Variants in SLC71A1 observed in about 807,000 individuals in gnomAD.
SLC71A1 encodes the protein hippocampus abundant gene transcript 1.
chr1:100,039,470 G>A, the SLC71A1 span, among the ~76,000 whole-genome samples: 4 of 152,140 alleles, frequency 2.6e-5, no homozygotes, highest in African/African-American at 9.7e-5. Flanking sequence ...TGAGACATAT[G>A]TAATGACTTT....
chr1:100,049,016 C>G, the SLC71A1 span, among the ~76,000 whole-genome samples: 1 of 152,132 alleles, frequency 6.6e-6, no homozygotes, highest in Non-Finnish European at 1.5e-5. Flanking sequence ...ATCCTTAATC[C>G]GTTCCCTCCC....
chr1:100,045,476 A>G, the SLC71A1 span, among the ~76,000 whole-genome samples: 1 of 152,118 alleles, frequency 6.6e-6, no homozygotes, highest in Admixed American at 6.5e-5. Flanking sequence ...TCCAATTTGC[A>G]TGCTCGTTAT....
At chr1:100,059,935 C>T in the SLC71A1 span, 2 of 1,612,820 alleles carry the variant, frequency 1.2e-6, no homozygotes, top group Non-Finnish European at 1.7e-6. Flanking sequence ...TGTTTGGGGC[C>T]GAAAATCCTT....
At chr1:100,082,107 G>C in the SLC71A1 span, 1 of 1,613,964 alleles carries the variant, frequency 6.2e-7, no homozygotes, top group African/African-American at 1.3e-5. Context: ...TAAGCTTAAG[G>C]TCCAGCAGTT....
chr1:100,059,903 C>T, the SLC71A1 span: 12 of 1,610,890 alleles, frequency 7.4e-6, no homozygotes, highest in African/African-American at 1.3e-5. Context: ...CTTAGTGCCC[C>T]GCTTATTGGT....
At chr1:100,077,778 G>A in the SLC71A1 span, among the ~76,000 whole-genome samples, 18 of 152,206 alleles carry the variant, frequency 1.2e-4, no homozygotes, top group South Asian at 2.1e-4. Flanking sequence ...GAGTAGTGAC[G>A]CTTGTTGTCA....
chr1:100,082,409 AAACCTTTTGTTTATTAGCACCAATTT>A, the SLC71A1 span: 7 of 571,760 alleles, frequency 1.2e-5, no homozygotes, highest in Non-Finnish European at 2.2e-5. Flanking sequence ...TTCTTTTGAA[AAACCTTTTGTTTATTAGCACCAATTT>A]CTTGCCACTA....
At chr1:100,075,481 T>C in the SLC71A1 span, among the ~76,000 whole-genome samples, 1 of 152,230 alleles carries the variant, frequency 6.6e-6, no homozygotes, top group Non-Finnish European at 1.5e-5. Flanking sequence ...CTTTGCATTA[T>C]AGTTCCCTGT....
chr1:100,062,371 C>T, the SLC71A1 span, among the ~76,000 whole-genome samples: 3 of 152,160 alleles, frequency 2.0e-5, no homozygotes, highest in African/African-American at 4.8e-5. Flanking sequence ...GTCTCTGTCT[C>T]ATTCTTTTGT....
At chr1:100,062,137 CT>C in the SLC71A1 span, 2 of 475,264 alleles carry the variant, frequency 4.2e-6, no homozygotes, top group African/African-American at 4.0e-5. Context: ...AGTTTTGATT[CT>C]TTTCATTTAG....
At chr1:100,058,065 G>A in the SLC71A1 span, 6 of 152,166 alleles carry the variant, frequency 3.9e-5, no homozygotes, top group African/African-American at 1.2e-4. Flanking sequence ...GCATTCCAGC[G>A]GTTCTCTTGC....
At chr1:100,073,238 TC>T in the SLC71A1 span, among the ~76,000 whole-genome samples, 2 of 152,222 alleles carry the variant, frequency 1.3e-5, no homozygotes, top group African/African-American at 4.8e-5. Context: ...GGCCATATCT[TC>T]CATCTGGTCT....
the SLC71A1 span, among the ~76,000 whole-genome samples, chr1:100,074,242 T>C: frequency 6.6e-6 from 1 of 152,142 alleles, no homozygotes; most frequent in East Asian, 1.9e-4. Flanking sequence ...GTGTATCTCA[T>C]TGTTTCCAAT....
the SLC71A1 span, among the ~76,000 whole-genome samples, chr1:100,070,217 G>GC: frequency 1.2e-4 from 19 of 152,176 alleles, no homozygotes; most frequent in African/African-American, 4.1e-4. Flanking sequence ...AGAAGACCTT[G>GC]CTAATGCAAG....
At chr1:100,059,961 G>A in the SLC71A1 span, 1 of 1,612,934 alleles carries the variant, frequency 6.2e-7, no homozygotes, top group East Asian at 2.2e-5. Context: ...TGCTAACGGT[G>A]TTTTTCACAT....
At chr1:100,071,778 G>T in the SLC71A1 span, among the ~76,000 whole-genome samples, 4 of 152,196 alleles carry the variant, frequency 2.6e-5, no homozygotes, top group African/African-American at 9.7e-5. Context: ...GATGAGTGGA[G>T]GGTGCTTTTG....
the SLC71A1 span, chr1:100,059,968 A>G: frequency 1.9e-6 from 3 of 1,612,870 alleles, no homozygotes; most frequent in East Asian, 2.2e-5. Flanking sequence ...GGTGTTTTTC[A>G]CATGTGCCCC....
the SLC71A1 span, among the ~76,000 whole-genome samples, chr1:100,042,600 TTTTC>T: frequency 6.6e-6 from 1 of 151,714 alleles, no homozygotes; most frequent in African/African-American, 2.4e-5. Flanking sequence ...GTGCTTTTCT[TTTTC>T]TTTCTTTTTT....
the SLC71A1 span, chr1:100,078,482 ATG>A: frequency 6.2e-7 from 1 of 1,613,498 alleles, no homozygotes. Context: ...AGTAGCAGCC[ATG>A]TCTAGCATCA....
Sources: gnomAD v4.1 joint callset for allele counts (sites outside exome capture counted in the v4.1 genomes callset) on GRCh38, gnomAD v4.1.1 for gene constraint, MANE v1.5 for transcripts, NCBI Gene and HGNC (gene_info 2026-07-23, HGNC 2026-07-21) for gene names.